SEZ6L2: variants seen among roughly 807,000 people sequenced by gnomAD.
The protein encoded by SEZ6L2 is seizure related 6 homolog like 2.
In SEZ6L2, 44 loss-of-function variants were observed where a neutral mutation model predicts 97.0. That is an observed-to-expected ratio of 0.45 (90% confidence interval 0.36 to 0.58). SEZ6L2 has a LOEUF of 0.58. SEZ6L2 is among the 20% of genes least tolerant of loss of function. The probability of loss-of-function intolerance (pLI) is 0.00; values close to 1 mark genes in which losing one functional copy is unlikely to be tolerated. For synonymous variants in SEZ6L2, 543 were observed against 546.1 expected, an observed-to-expected ratio of 0.99 and a Z score of 0.08; for missense variants, 1,086 against 1,233.3, an observed-to-expected ratio of 0.88 and a Z score of 1.79.
chr16:29,872,605 AC>A, intron 15 of SEZ6L2, 79 bp from the exon 16 acceptor site: 1 of 1,595,776 alleles, frequency 6.3e-7, no homozygotes, highest in Non-Finnish European at 8.6e-7. Context: ...TGGGCCTCAA[AC>A]CCTGGGCTTC....
At chr16:29,898,872 G>C (rs2150822445) in intron 1 of SEZ6L2, 69 bp downstream of exon 1, 1 of 1,229,414 alleles carries the variant, frequency 8.1e-7, no homozygotes, top group Non-Finnish European at 1.2e-6. Flanking sequence ...AGGATATTAA[G>C]AGAAAGGAGG....
chr16:29,875,374 C>T (rs186752728), intron 12 of SEZ6L2, among the ~76,000 whole-genome samples: 1 of 152,146 alleles, frequency 6.6e-6, no homozygotes, highest in South Asian at 2.1e-4. Flanking sequence ...CACCTTCAGG[C>T]TCAATCTGCT....
intron 3 of SEZ6L2, among the ~76,000 whole-genome samples, chr16:29,896,582 C>T (rs1330127573): frequency 1.3e-5 from 2 of 152,176 alleles, no homozygotes; most frequent in Admixed American, 1.3e-4. Flanking sequence ...CCATCACTAT[C>T]TTTAAGCAAT....
At position 29,895,870 on chromosome 16, in the gene SEZ6L2, T is replaced by A. The variant is rs2068376204; in HGVS notation, c.512-10A>T. The A allele has an allele frequency of 6.3e-7, 1 of 1,590,594 alleles. No homozygotes were observed. The highest frequency in any genetic ancestry group is 1.1e-5 in the South Asian group (1 of 88,136). ...TTGTTATTACACAGAACTGAGGAGATACAAATGGCTGGGATGGAAGGAATG... is the reference window on the plus strand; with the variant it reads ...TTGTTATTACACAGAACTGAGGAGAAACAAATGGCTGGGATGGAAGGAATG... On this transcript the variant is annotated splice_polypyrimidine_tract_variant and intron_variant, in intron 3 of 17. Transcript: ENST00000617533.
chr16:29,895,945 C>A, intron 3 of SEZ6L2, 85 bp from the exon 4 acceptor site: 1 of 1,358,646 alleles, frequency 7.4e-7, no homozygotes, highest in South Asian at 1.4e-5. Flanking sequence ...CATCTCCCTT[C>A]TCCTTAGCAC....
At chr16:29,880,169 C>CTTTTTT in intron 8 of SEZ6L2, 105 bp from the exon 9 acceptor site, 1 of 789,784 alleles carries the variant, frequency 1.3e-6, no homozygotes, top group Non-Finnish European at 1.8e-6. Context: ...ACTCACTGGG[C>CTTTTTT]TTTTTTTTTT....
intron 7 of SEZ6L2, chr16:29,886,019 A>G: frequency 3.3e-6 from 1 of 298,636 alleles, no homozygotes; most frequent in Non-Finnish European, 6.2e-6. Context: ...AAGTAGTGGC[A>G]GGGCTGAGAT....
intron 7 of SEZ6L2, among the ~76,000 whole-genome samples, chr16:29,887,089 G>A (rs2068156850): frequency 6.6e-6 from 1 of 150,994 alleles, no homozygotes; most frequent in Non-Finnish European, 1.5e-5. Flanking sequence ...GCTGAGGCAG[G>A]AGAATCACTT....
chr16:29,891,797 C>A (rs1359954790), intron 5 of SEZ6L2, among the ~76,000 whole-genome samples: 1 of 152,230 alleles, frequency 6.6e-6, no homozygotes, highest in Non-Finnish European at 1.5e-5. Flanking sequence ...GTGACTTCAT[C>A]TCTAGGGGCC....
chr16:29,885,588 T>C lies in SEZ6L2; in HGVS notation c.1370A>G (p.Glu457Gly), dbSNP rs902070695. 2 of 1,613,024 alleles carry C rather than the reference T, an allele frequency of 1.2e-6. No homozygotes were observed. The highest frequency in any genetic ancestry group is 8.5e-7 in the Non-Finnish European group (1 of 1,179,272). ...ANPLLLSLRF[E>G]AFEEDRCFAP... The stretch of plus-strand genomic sequence containing the variant: ...CTGTGGGGGAGTGGGTCACTTACCT[T>C]CAAATCGAAGGCTTAACAGCAGGGG... The change falls in exon 8 of 18, where the codon GAA becomes GGA. Residue 457 changes from glutamate (E) to glycine (G), a missense_variant and splice_region_variant. Physicochemically the swap from Glu to Gly is moderately conservative, Grantham distance 98. Around this residue, in one of 2 missense-constraint regions of SEZ6L2, gnomAD observed 776 missense variants for 794.7 expected, o/e 0.98. Coordinates refer to ENST00000617533, the MANE Select transcript of SEZ6L2 (RefSeq NM_001243332.2).
chr16:29,872,306 G>A (rs375025260), intron 16 of SEZ6L2, 23 bp from the exon 17 acceptor site: 198 of 1,605,976 alleles, frequency 1.2e-4, no homozygotes, highest in Middle Eastern at 1.2e-3. Flanking sequence ...GAGGACAGAG[G>A]AGCTTATCAA....
Position 29,877,472 on chromosome 16 carries a change from A to T in SEZ6L2, c.1713-5T>A. The T allele has an allele frequency of 6.3e-7, 1 of 1,584,762 alleles. No individual in the cohort carries two copies. The highest frequency in any genetic ancestry group is 8.6e-7 in the Non-Finnish European group (1 of 1,164,522). On this transcript the variant is annotated splice_polypyrimidine_tract_variant and splice_region_variant and intron_variant, in intron 10 of 17. Transcript: ENST00000617533. ...TCCCCTTCCCGCACATTCAATCTGCAGGGGGTGAGACCAGGCAATGGGGCG... is the reference window on the plus strand; with the variant it reads ...TCCCCTTCCCGCACATTCAATCTGCTGGGGGTGAGACCAGGCAATGGGGCG...
chr16:29,899,146 A>G lies in SEZ6L2; in HGVS notation c.-127T>C. 1.4e-6 allele frequency: 1 copy of G among 713,666 alleles called. No homozygotes were observed. The highest frequency in any genetic ancestry group is 2.2e-6 in the Non-Finnish European group (1 of 447,296). 44.2% of individuals were successfully genotyped at this position (713,666 alleles called of 1,614,324 possible). On this transcript the variant is annotated 5_prime_UTR_variant, in exon 1 of 18. Transcript: ENST00000617533. The stretch of plus-strand genomic sequence containing the variant: ...TTTTTTTTTTTTCCTCGTAGGAGTC[A>G]GCAAAGAAAGACAATTTCTCTGCCC...
At position 29,894,022 on chromosome 16, in the gene SEZ6L2, C is replaced by T. The variant is rs1188456762; in HGVS notation, c.853+1237G>A. 2.0e-5 allele frequency among the ~76,000 whole-genome samples: 3 copies of T among 152,174 alleles called. No individual in the cohort carries two copies. In the East Asian group the frequency reaches 5.8e-4, roughly 29 times the overall value. ...AGTAACTGGGATTACAGGTGCTTGC[C>T]ACCATGCCTGGCTAATTTTTGTAAT... On this transcript the variant is annotated intron_variant, in intron 5 of 17. Coordinates refer to ENST00000617533, the MANE Select transcript of SEZ6L2 (RefSeq NM_001243332.2).
At position 29,896,577 on chromosome 16, in the gene SEZ6L2, A is replaced by G. The variant is rs562424737; in HGVS notation, c.511+245T>C. 1.3e-4 allele frequency among the ~76,000 whole-genome samples: 20 copies of G among 152,160 alleles called. No homozygotes were observed. In the East Asian group the frequency reaches 3.3e-3, roughly 25 times the overall value. On this transcript the variant is annotated intron_variant, in intron 3 of 17. Transcript: ENST00000617533. ...ACAGGCTAGAGCCACCATGTCCATC[A>G]CTATCTTTAAGCAATGCTCCCTCTC...
intron 11 of SEZ6L2, 72 bp downstream of exon 11, chr16:29,877,199 C>T (rs1345170568): frequency 6.9e-7 from 1 of 1,440,628 alleles, no homozygotes; most frequent in Non-Finnish European, 9.2e-7. Flanking sequence ...CGTGAGCCAC[C>T]ACGACCGGCC....
At position 29,887,697 on chromosome 16, in the gene SEZ6L2, C is replaced by T. The variant is rs776905172; in HGVS notation, c.1160G>A (p.Arg387Gln). 2.8e-5 allele frequency: 45 copies of T among 1,608,670 alleles called. No homozygotes were observed. Among genetic ancestry groups the T allele is most frequent in the Non-Finnish European group, 3.6e-5 (42 of 1,176,868 alleles). The change falls in exon 7 of 18, where the codon CGG (arginine) becomes CAG (glutamine). Residue 387 changes from arginine to glutamine, a missense_variant. By Grantham distance (43) the Arg-to-Gln change is conservative. Transcript: ENST00000617533. ...GACCCTTTCAAAGTGCAGGTGCAGC[C>T]GGCGCCCCTCAGCTGCTTCAATGAC... ...RWVIEAAEGRRLHLHFERVSL... is the reference protein window; with the variant it reads ...RWVIEAAEGRQLHLHFERVSL...
intron 9 of SEZ6L2, 121 bp downstream of exon 9, chr16:29,879,742 AC>A: frequency 1.1e-6 from 1 of 876,422 alleles, no homozygotes; most frequent in South Asian, 1.7e-5. Context: ...ACAGGGATTT[AC>A]CCAAGGCTTG....
rs2067908793 is a variant in SEZ6L2 at position 29,876,616 on chromosome 16, C to T, written c.2104+140G>A. 1.3e-6 allele frequency: 1 copy of T among 741,674 alleles called. No individual in the cohort carries two copies. 45.9% of individuals were successfully genotyped at this position (741,674 alleles called of 1,614,324 possible). A position where few individuals can be genotyped will look rare whatever the true frequency, so the allele number is the denominator to read the frequency against. ...GAGTGAGAACTAAAGGGCATGGGGG[C>T]AGGCCTTGAAGAAGATCCAGGAAGG... On this transcript the variant is annotated intron_variant, in intron 12 of 17. Coordinates refer to ENST00000617533, the MANE Select transcript of SEZ6L2 (RefSeq NM_001243332.2). The surrounding 1 kb of genome is among the most constrained non-coding windows in gnomAD (Gnocchi z 6.5).
Sources: gnomAD v4.1 joint callset for allele counts (sites outside exome capture counted in the v4.1 genomes callset) on GRCh38, gnomAD v4.1.1 for gene constraint, gnomAD v4.1.1 regional missense constraint, Gnocchi (gnomAD v3.1) non-coding constraint, MANE v1.5 for transcripts, NCBI Gene and HGNC (gene_info 2026-07-23, HGNC 2026-07-21) for gene names.